KCTD8: variants seen among roughly 807,000 people sequenced by gnomAD.
KCTD8 encodes the protein BTB/POZ domain-containing protein KCTD8.
In KCTD8, 27 loss-of-function variants were observed where a neutral mutation model predicts 31.5. That is an observed-to-expected ratio of 0.86 (90% CI 0.63 to 1.18). The LOEUF (loss-of-function observed/expected upper bound fraction) is 1.18, where lower values mean the gene tolerates loss of function less well. KCTD8 is among the 50% of genes most tolerant of loss of function. KCTD8 has a pLI of 0.00. For synonymous variants in KCTD8, 290 were observed against 280.0 expected (o/e 1.04, Z -0.36); for missense variants, 658 against 647.7 (o/e 1.02, Z -0.17).
chr4:44,371,438 G>A (rs1269368990), intron 1 of KCTD8, among the ~76,000 whole-genome samples: 1 of 152,100 alleles, frequency 6.6e-6, no homozygotes, highest in Non-Finnish European at 1.5e-5. Flanking sequence ...ATTGGCTTTC[G>A]TATCCCTGAG....
chr4:44,374,663 T>TA (rs1719873630), intron 1 of KCTD8, among the ~76,000 whole-genome samples: 1 of 152,140 alleles, frequency 6.6e-6, no homozygotes, highest in African/African-American at 2.4e-5. Flanking sequence ...CTTGAACACT[T>TA]AAAGGCCACT....
intron 1 of KCTD8, among the ~76,000 whole-genome samples, chr4:44,390,738 T>C (rs1290961686): frequency 2.6e-5 from 4 of 151,910 alleles, no homozygotes; most frequent in African/African-American, 9.7e-5. Flanking sequence ...AAATAACAGA[T>C]GTTGGCATGG....
At chr4:44,177,592 T>C (rs953359731) in intron 1 of KCTD8, among the ~76,000 whole-genome samples, 11 of 152,192 alleles carry the variant, frequency 7.2e-5, no homozygotes, top group Non-Finnish European at 1.3e-4. Context: ...TCATGAGACC[T>C]GATGGTTTTA....
intron 1 of KCTD8, among the ~76,000 whole-genome samples, chr4:44,303,426 C>T (rs1343146193): frequency 6.6e-6 from 1 of 152,038 alleles, no homozygotes; most frequent in Admixed American, 6.6e-5. Context: ...AGAGATTCAA[C>T]TTCTTCCTGG....
chr4:44,337,358 A>G (rs1718776457), intron 1 of KCTD8, among the ~76,000 whole-genome samples: 1 of 152,142 alleles, frequency 6.6e-6, no homozygotes, highest in African/African-American at 2.4e-5. Flanking sequence ...CTAAAATAGC[A>G]TATATGCTAT....
intron 1 of KCTD8, among the ~76,000 whole-genome samples, chr4:44,271,999 T>C (rs1716621879): frequency 6.6e-6 from 1 of 151,788 alleles, no homozygotes; most frequent in Non-Finnish European, 1.5e-5. Context: ...TTAGTTCCTC[T>C]ATCAAATGAA....
chr4:44,254,036 G>A (rs539721184), intron 1 of KCTD8, among the ~76,000 whole-genome samples: 5 of 151,872 alleles, frequency 3.3e-5, no homozygotes, highest in African/African-American at 9.6e-5. Flanking sequence ...GGAAAATGTG[G>A]CAACACAGTC....
intron 1 of KCTD8, among the ~76,000 whole-genome samples, chr4:44,439,404 T>C (rs188179149): frequency 1.8e-4 from 27 of 152,288 alleles, no homozygotes; most frequent in African/African-American, 4.3e-4. Flanking sequence ...AGAAATAATA[T>C]TCCAAGTTAA....
chr4:44,394,700 C>CAGGTGAAGCAAA (rs1720453334), intron 1 of KCTD8, among the ~76,000 whole-genome samples: 1 of 152,074 alleles, frequency 6.6e-6, no homozygotes, highest in Admixed American at 6.6e-5. Flanking sequence ...TGAAGCATTA[C>CAGGTGAAGCAAA]ATCTAGGGAT....
In KCTD8 at chr4:44,306,928, G is replaced by A. The variant is rs189812630; in HGVS notation, c.962-131678C>T. Among the ~76,000 whole-genome samples, 330 of 152,082 alleles carry A rather than the reference G, an allele frequency of 2.2e-3. 1 individual carries two copies. The highest frequency in any genetic ancestry group is 3.3e-3 in the Non-Finnish European group (223 of 67,904). On this transcript the variant is annotated intron_variant, in intron 1 of 1. Coordinates refer to ENST00000360029, the MANE Select transcript of KCTD8 (RefSeq NM_198353.3). ...TTCAGTTGAAGTCAAGCATCAGAAT[G>A]ACAGGGAGTCTGAAAAATCAAAAGA...
At chr4:44,293,562 G>T (rs1180110584) in intron 1 of KCTD8, 1 of 384,972 alleles carries the variant, frequency 2.6e-6, no homozygotes, top group African/African-American at 2.1e-5. Flanking sequence ...TATAAGAAAA[G>T]GTCAGGGAAA....
In KCTD8 at chr4:44,447,965, G is replaced by T; in HGVS notation, c.559C>A (p.Pro187Thr). The change falls in exon 1 of 2, where the codon CCC (proline) becomes ACC (threonine). Residue 187 changes from proline (P) to threonine (T), a missense_variant. By Grantham distance (38) the Pro-to-Thr change is conservative. Coordinates refer to ENST00000360029, the MANE Select transcript of KCTD8 (RefSeq NM_198353.3). The stretch of plus-strand genomic sequence containing the variant: ...CCACCGTGCGCTCCCGGGCCCGAGG[G>T]CACGGCGGCCGCCGCCCCGCGCAGC... Reference protein sequence around the residue: ...LLLRGAAAAVPSGPGAHGGGG... With the variant: ...LLLRGAAAAVTSGPGAHGGGG... 1 of 1,528,936 alleles carries T rather than the reference G, an allele frequency of 6.5e-7. No homozygotes were observed. The highest frequency in any genetic ancestry group is 8.8e-7 in the Non-Finnish European group (1 of 1,136,668). 94.7% of individuals were successfully genotyped at this position (1,528,936 alleles called of 1,614,324 possible). A position where few individuals can be genotyped will look rare whatever the true frequency, so the allele number is the denominator to read the frequency against.
At chr4:44,390,409 C>T (rs1464383318) in intron 1 of KCTD8, among the ~76,000 whole-genome samples, 1 of 151,714 alleles carries the variant, frequency 6.6e-6, no homozygotes, top group Non-Finnish European at 1.5e-5. Context: ...CCCTCGACCA[C>T]CTTTATGTTT....
In KCTD8 at chr4:44,203,525, A is replaced by C. The variant is rs993359249; in HGVS notation, c.962-28275T>G. Among the ~76,000 whole-genome samples the C allele has an allele frequency of 7.9e-5, 12 of 151,648 alleles. No individual in the cohort carries two copies. In the East Asian group the frequency reaches 2.3e-3, roughly 29 times the overall value. The stretch of plus-strand genomic sequence containing the variant: ...AAAAAAAAAAAAAAAGGAATAAAAA[A>C]ATAAATGAGCTAAGCATTCAACTAA... On this transcript the variant is annotated intron_variant, in intron 1 of 1. Transcript: ENST00000360029.
intron 1 of KCTD8, among the ~76,000 whole-genome samples, chr4:44,274,468 T>C (rs1336941856): frequency 1.3e-5 from 2 of 151,936 alleles, no homozygotes; most frequent in African/African-American, 4.8e-5. Context: ...TGATAAAGTC[T>C]GAAGCTCTTC....
intron 1 of KCTD8, among the ~76,000 whole-genome samples, chr4:44,316,663 A>G (rs1398618760): frequency 6.6e-6 from 1 of 151,782 alleles, no homozygotes; most frequent in Non-Finnish European, 1.5e-5. Flanking sequence ...AAAAAACAGG[A>G]AATCAGGCCG....
At chr4:44,423,343 TTAAAG>T (rs1375837058) in intron 1 of KCTD8, among the ~76,000 whole-genome samples, 18 of 152,124 alleles carry the variant, frequency 1.2e-4, no homozygotes, top group African/African-American at 4.1e-4. Context: ...ATGGAAATGT[TTAAAG>T]TAAATAATGA....
chr4:44,187,379 G>C (rs953842224), intron 1 of KCTD8, among the ~76,000 whole-genome samples: 14 of 152,058 alleles, frequency 9.2e-5, no homozygotes, highest in Admixed American at 1.3e-4. Context: ...TGGAAGCTAG[G>C]ATTCTATCCA....
intron 1 of KCTD8, among the ~76,000 whole-genome samples, chr4:44,249,433 C>T (rs1038076788): frequency 4.6e-5 from 7 of 151,638 alleles, no homozygotes; most frequent in Admixed American, 2.0e-4. Flanking sequence ...GTACTCTATA[C>T]CAAGCATTGG....
Sources: allele counts gnomAD v4.1 joint callset (sites outside exome capture counted in the v4.1 genomes callset), GRCh38; gene constraint gnomAD v4.1.1; transcripts MANE v1.5; gene names NCBI Gene and HGNC (gene_info 2026-07-23, HGNC 2026-07-21).